Variants in MS4A3 observed in about 807,000 individuals in gnomAD.
MS4A3 encodes the protein membrane spanning 4-domains A3.
MS4A3 carries 18 observed loss-of-function variants against 24.7 expected under a neutral mutation model. The ratio of observed to expected loss-of-function variants is 0.73; its 90% CI spans 0.50 to 1.08. MS4A3 has a LOEUF of 1.08. Among genes scored for constraint, MS4A3 ranks in the 50% least tolerant of loss-of-function variants. The pLI is 0.00. For missense variants in MS4A3, 282 were observed against 251.7 expected (o/e 1.12, Z -0.82); for synonymous variants, 84 against 95.3 (o/e 0.88, Z 0.69).
chr11:60,069,617 GC>G lies in MS4A3; in HGVS notation c.558del (p.Cys186TrpfsTer2). ...LLLILTLLEL[C>X]VTISTIAMWC... Reference sequence around the variant, plus strand: ...CTGATTCTCACCTTGCTGGAATTATGCGTAACCATCTCTACCATAGCCATGT... The same window carrying G: ...CTGATTCTCACCTTGCTGGAATTATGGTAACCATCTCTACCATAGCCATGT... On this transcript the variant is annotated frameshift_variant, in exon 6 of 7. Coordinates refer to ENST00000278865, the MANE Select transcript of MS4A3 (RefSeq NM_006138.5). LOFTEE classifies it high-confidence loss of function. The G allele has an allele frequency of 6.2e-7, 1 of 1,613,700 alleles. No homozygotes were observed. The highest frequency in any genetic ancestry group is 8.5e-7 in the Non-Finnish European group (1 of 1,179,720).
At chr11:60,068,238 C>CATT (rs1855405179) in intron 5 of MS4A3, among the ~76,000 whole-genome samples, 7 of 103,904 alleles carry the variant, frequency 6.7e-5, no homozygotes, top group South Asian at 2.9e-4. Context: ...ATAACCTTAC[C>CATT]TTTTTTTTTT....
chr11:60,067,184 T>A, intron 5 of MS4A3, 72 bp downstream of exon 5: 5 of 1,090,154 alleles, frequency 4.6e-6, no homozygotes, highest in Middle Eastern at 2.4e-4. Flanking sequence ...AAATAATATA[T>A]CAGGTACCAA....
In MS4A3 at chr11:60,062,778, TTTAA is replaced by T. The variant is rs537812129; in HGVS notation, c.294+181_294+184del. 3.1e-4 allele frequency: 141 copies of T among 448,698 alleles called. 1 individual carries two copies. The highest frequency in any genetic ancestry group is 8.9e-4 in the South Asian group (10 of 11,202). The allele number at this position is 448,698 out of a possible 1,614,324, so 27.8% of individuals were successfully genotyped here. On this transcript the variant is annotated intron_variant, in intron 3 of 6. Coordinates refer to ENST00000278865, the MANE Select transcript of MS4A3 (RefSeq NM_006138.5). ...CGATAAACTCTTTTTTATTTTTTAA[TTTAA>T]TTAATTACTTAATTAATTTATTTTT...
intron 4 of MS4A3, among the ~76,000 whole-genome samples, chr11:60,066,271 C>T (rs1273242704): frequency 4.6e-5 from 7 of 152,194 alleles, no homozygotes; most frequent in African/African-American, 9.7e-5. Flanking sequence ...TAGCTTTTAT[C>T]GTTGAACTTC....
Position 60,069,619 on chromosome 11 carries a change from G to GT in MS4A3, c.560dup (p.Thr188AsnfsTer15). On this transcript the variant is annotated frameshift_variant, in exon 6 of 7. Transcript: ENST00000278865. LOFTEE classifies it high-confidence loss of function. ...GATTCTCACCTTGCTGGAATTATGC[G>GT]TAACCATCTCTACCATAGCCATGTG... 6.2e-7 allele frequency: 1 copy of GT among 1,613,554 alleles called. No homozygotes were observed. Among genetic ancestry groups the GT allele is most frequent in the Non-Finnish European group, 8.5e-7 (1 of 1,179,626 alleles).
intron 2 of MS4A3, 94 bp from the exon 3 acceptor site, chr11:60,062,374 C>T (rs1484281726): frequency 3.6e-5 from 52 of 1,460,986 alleles, no homozygotes; most frequent in Middle Eastern, 1.9e-4. Flanking sequence ...TTTCAAGCAC[C>T]GACATCTCCT....
At chr11:60,062,330 T>C in intron 2 of MS4A3, 138 bp from the exon 3 acceptor site, 1 of 1,025,672 alleles carries the variant, frequency 9.7e-7, no homozygotes, top group Non-Finnish European at 1.4e-6. Context: ...AGATAAGCTC[T>C]CGTTCTGTTA....
intron 1 of MS4A3, among the ~76,000 whole-genome samples, chr11:60,059,188 G>A (rs1855227918): frequency 6.6e-6 from 1 of 152,036 alleles, no homozygotes; most frequent in Admixed American, 6.6e-5. Context: ...ATAAAACATG[G>A]CTTGACTCTC....
Position 60,070,147 on chromosome 11 carries a change from G to T in MS4A3, c.616-57G>T. 7 of 1,387,848 alleles carry T rather than the reference G, an allele frequency of 5.0e-6. No individual in the cohort carries two copies. The South Asian group carries it at 8.2e-5, about 16-fold the overall frequency. The allele number at this position is 1,387,848 out of a possible 1,614,324, so 86.0% of individuals were successfully genotyped here. ...ATTATGATGATAACAGGAAGGGATG[G>T]GAGGAGAAGGAGATAATGATCCTGT... On this transcript the variant is annotated intron_variant, in intron 6 of 6. Transcript: ENST00000278865.
Position 60,062,625 on chromosome 11 carries a change from T to A in MS4A3, c.294+20T>A. 6.2e-7 allele frequency: 1 copy of A among 1,613,284 alleles called. No homozygotes were observed. The highest frequency in any genetic ancestry group is 8.5e-7 in the Non-Finnish European group (1 of 1,179,596). ...GTGTTTGTGAGTATTCGTACTCCCC[T>A]GGCTATATGTTATTTCTTAGATACC... is the stretch of plus-strand genomic sequence containing the variant. On this transcript the variant is annotated intron_variant, in intron 3 of 6. Coordinates refer to ENST00000278865, the MANE Select transcript of MS4A3 (RefSeq NM_006138.5).
rs1855456299 is a variant in MS4A3 at position 60,070,392 on chromosome 11, C to T, written c.*159C>T. The T allele has an allele frequency of 1.7e-6, 1 of 592,574 alleles. No individual in the cohort carries two copies. 36.7% of individuals were successfully genotyped at this position (592,574 alleles called of 1,614,324 possible). A position where few individuals can be genotyped will look rare whatever the true frequency, so the allele number is the denominator to read the frequency against. ...ACAAGAACCTTGGACGTTTGACTGA[C>T]TCTATCCTTTCTCTCCTAACTATAA... On this transcript the variant is annotated 3_prime_UTR_variant, in exon 7 of 7. Transcript: ENST00000278865.
At chr11:60,065,041 C>G (rs917156420) in intron 4 of MS4A3, among the ~76,000 whole-genome samples, 2 of 151,870 alleles carry the variant, frequency 1.3e-5, no homozygotes, top group African/African-American at 4.8e-5. Context: ...ATTTTTGTCT[C>G]TCTGCTATAT....
Position 60,069,681 on chromosome 11 carries a change from A to G in MS4A3, c.615+6A>G. On this transcript the variant is annotated splice_donor_region_variant and intron_variant, in intron 6 of 6. Coordinates refer to ENST00000278865, the MANE Select transcript of MS4A3 (RefSeq NM_006138.5). ...ACTGCTGTAATTCAAGAGAGGTGAGATTTTTCAAATGATTAATCATTCACA... is the reference window on the plus strand; with the variant it reads ...ACTGCTGTAATTCAAGAGAGGTGAGGTTTTTCAAATGATTAATCATTCACA... 1 of 1,595,668 alleles carries G rather than the reference A, an allele frequency of 6.3e-7. No individual in the cohort carries two copies. The highest frequency in any genetic ancestry group is 2.2e-5 in the East Asian group (1 of 44,760).
Position 60,061,261 on chromosome 11 carries a change from A to T in MS4A3, c.101A>T (p.Tyr34Phe). The T allele has an allele frequency of 6.2e-7, 1 of 1,614,016 alleles. No individual in the cohort carries two copies. The highest frequency in any genetic ancestry group is 8.5e-7 in the Non-Finnish European group (1 of 1,179,964). ...AGPEELNTSV[Y>F]QPIDGSPDYQ... ...CCAGAAGAGCTGAATACTTCTGTCT[A>T]CCAGCCCATAGATGGATCACCAGAT... The change falls in exon 2 of 7, where the codon TAC (tyrosine) becomes TTC (phenylalanine). Residue 34 changes from tyrosine (Y) to phenylalanine (F), a missense_variant. By Grantham distance (22) the Tyr-to-Phe change is conservative (BLOSUM62 3). Coordinates refer to ENST00000278865, the MANE Select transcript of MS4A3 (RefSeq NM_006138.5).
chr11:60,059,632 TA>T (rs1378780822), intron 1 of MS4A3, among the ~76,000 whole-genome samples: 1 of 152,152 alleles, frequency 6.6e-6, no homozygotes, highest in Non-Finnish European at 1.5e-5. Flanking sequence ...GAATATGTGG[TA>T]TTTGGTTTTC....
At chr11:60,061,091 G>A (rs777913838) in intron 1 of MS4A3, 55 bp from the exon 2 acceptor site, 41 of 1,484,118 alleles carry the variant, frequency 2.8e-5, no homozygotes, top group Non-Finnish European at 3.7e-5. Flanking sequence ...CAAAATTTTA[G>A]TAGCTAGTGG....
chr11:60,062,377 C>T, intron 2 of MS4A3, 91 bp from the exon 3 acceptor site: 2 of 1,480,090 alleles, frequency 1.4e-6, no homozygotes, highest in Non-Finnish European at 1.9e-6. Context: ...CAAGCACCGA[C>T]ATCTCCTTTC....
At chr11:60,066,015 C>A (rs1377646303) in intron 4 of MS4A3, among the ~76,000 whole-genome samples, 1 of 152,190 alleles carries the variant, frequency 6.6e-6, no homozygotes, top group African/African-American at 2.4e-5. Context: ...CAAAGCTCAA[C>A]TCCCAGTCTT....
rs1378688610 is a variant in MS4A3 at position 60,066,993 on chromosome 11, GCA to G, written c.396_397del (p.Leu133SerfsTer13). 1 of 1,609,622 alleles carries G rather than the reference GCA, an allele frequency of 6.2e-7. No individual in the cohort carries two copies. The highest frequency in any genetic ancestry group is 8.5e-7 in the Non-Finnish European group (1 of 1,179,082). On this transcript the variant is annotated frameshift_variant, in exon 5 of 7. Coordinates refer to ENST00000278865, the MANE Select transcript of MS4A3 (RefSeq NM_006138.5). LOFTEE classifies it high-confidence loss of function. ...AATGAACATTGCCAGTGCTACAATTGCACTAGTGGGGACTGCTTTTCTCTCAC... is the reference window on the plus strand; with the variant it reads ...AATGAACATTGCCAGTGCTACAATTGCTAGTGGGGACTGCTTTTCTCTCAC... Reference protein sequence around the residue: ...FGMNIASATIALVGTAFLSLN... With the variant: ...FGMNIASATIXLVGTAFLSLN...
Sources: allele counts gnomAD v4.1 joint callset (sites outside exome capture counted in the v4.1 genomes callset), GRCh38; gene constraint gnomAD v4.1.1; transcripts MANE v1.5; gene names NCBI Gene and HGNC (gene_info 2026-07-23, HGNC 2026-07-21).